PEX7: variants seen among roughly 807,000 people sequenced by gnomAD.
PEX7 encodes peroxisomal biogenesis factor 7.
In PEX7, 34 loss-of-function variants were observed where a neutral mutation model predicts 47.5. The observed-to-expected ratio is 0.72, with a 90% CI of 0.54 to 0.95. The LOEUF (loss-of-function observed/expected upper bound fraction) is 0.95, where lower values mean the gene tolerates loss of function less well. PEX7 is among the 40% of genes least tolerant of loss of function. PEX7 has a pLI of 0.00. For missense variants in PEX7, 394 were observed against 400.3 expected, an observed-to-expected ratio of 0.98 and a Z score of 0.13; for synonymous variants, 141 against 148.8, an observed-to-expected ratio of 0.95 and a Z score of 0.38.
chr6:136,905,607 A>T (rs559714591), intron 9 of PEX7, among the ~76,000 whole-genome samples: 2 of 152,136 alleles, frequency 1.3e-5, no homozygotes, highest in Non-Finnish European at 2.9e-5. Flanking sequence ...TATTTTTTCA[A>T]TGCTACCATG....
chr6:136,823,148 C>A (rs999968374), intron 1 of PEX7: 2 of 985,244 alleles, frequency 2.0e-6, no homozygotes, highest in South Asian at 9.4e-5. Context: ...TGGATCGGTC[C>A]GCTCGGCACA....
chr6:136,854,643 C>T lies in PEX7; in HGVS notation c.526+8462C>T, dbSNP rs76973463. Among the ~76,000 whole-genome samples, 499 of 152,088 alleles carry T rather than the reference C, an allele frequency of 3.3e-3. 7 individuals carry two copies. In the South Asian group the frequency reaches 0.034, roughly 10 times the overall value. ...TACCACAGAGAGTATTAGTCCAAGT[C>T]GAATTAAAGTTCTTGTAAGGATGTG... On this transcript the variant is annotated intron_variant, in intron 5 of 9. Coordinates refer to ENST00000318471, the MANE Select transcript of PEX7 (RefSeq NM_000288.4).
chr6:136,911,185 CT>C (rs1238889254), intron 9 of PEX7, among the ~76,000 whole-genome samples: 1 of 151,852 alleles, frequency 6.6e-6, no homozygotes, highest in East Asian at 1.9e-4. Flanking sequence ...ATTGTTCTGA[CT>C]TTTTGTTTGT....
intron 3 of PEX7, among the ~76,000 whole-genome samples, chr6:136,835,155 C>T (rs1774362426): frequency 6.6e-6 from 1 of 152,046 alleles, no homozygotes; most frequent in East Asian, 1.9e-4. Flanking sequence ...GAACTCCTGA[C>T]CTGAGGTGTT....
rs142310952 is a variant in PEX7, at chr6:136,837,112, G to A, written c.340-8503G>A. ...AGCCGCGCTTACGCCTGTAATCCCA[G>A]CACTTTGGGAGGCTGAGGTGGGCGG... On this transcript the variant is annotated intron_variant, in intron 3 of 9. Transcript: ENST00000318471. 7.1e-3 allele frequency among the ~76,000 whole-genome samples: 1,080 copies of A among 152,218 alleles called. 22 individuals are homozygous for A. The highest frequency in any genetic ancestry group is 0.025 in the African/African-American group (1,022 of 41,540).
chr6:136,856,852 GTAC>G (rs1228112213), intron 5 of PEX7, among the ~76,000 whole-genome samples: 1 of 152,122 alleles, frequency 6.6e-6, no homozygotes, highest in African/African-American at 2.4e-5. Context: ...TGAAAATCAA[GTAC>G]TGGACCTGTA....
intron 3 of PEX7, among the ~76,000 whole-genome samples, chr6:136,842,934 G>A (rs1436228055): frequency 6.6e-6 from 1 of 152,142 alleles, no homozygotes; most frequent in East Asian, 1.9e-4. Flanking sequence ...AGTGGAGAGG[G>A]GCTTTAAGAT....
At chr6:136,850,847 A>T (rs1159440773) in intron 5 of PEX7, among the ~76,000 whole-genome samples, 1 of 151,668 alleles carries the variant, frequency 6.6e-6, no homozygotes, top group Admixed American at 6.6e-5. Context: ...CACCTAGGAA[A>T]GACTAAGTCA....
chr6:136,828,084 A>G (rs1439170778), intron 3 of PEX7, among the ~76,000 whole-genome samples: 1 of 152,026 alleles, frequency 6.6e-6, no homozygotes, highest in Non-Finnish European at 1.5e-5. Flanking sequence ...TCATAAAATA[A>G]TATAGCTAGT....
intron 9 of PEX7, among the ~76,000 whole-genome samples, chr6:136,906,202 A>T (rs1245890901): frequency 6.6e-6 from 1 of 152,228 alleles, no homozygotes; most frequent in Non-Finnish European, 1.5e-5. Flanking sequence ...ACCACTGTAA[A>T]TGAACATGGT....
At chr6:136,888,903 T>C (rs17065700) in intron 8 of PEX7, among the ~76,000 whole-genome samples, 9,432 of 152,174 alleles carry the variant, frequency 0.062, 673 homozygotes, top group African/African-American at 0.17. Context: ...GAAGACTTGC[T>C]GTTCAGTTGT....
chr6:136,898,149 A>G lies in PEX7; in HGVS notation c.811A>G (p.Asn271Asp). The change falls in exon 9 of 10, where the codon AAC becomes GAC. Residue 271 changes from asparagine to aspartate, a missense_variant. By Grantham distance (23) the Asn-to-Asp change is conservative (BLOSUM62 1). Coordinates refer to ENST00000318471, the MANE Select transcript of PEX7 (RefSeq NM_000288.4). ...CSYDFTVRFW[N>D]FSKPDSLLET... ...TTTTATTTATCTTCACAGATTCTGG[A>G]ACTTTTCAAAGCCTGACTCTCTTCT... 1 of 1,600,388 alleles carries G rather than the reference A, an allele frequency of 6.2e-7. No homozygotes were observed. The highest frequency in any genetic ancestry group is 8.6e-7 in the Non-Finnish European group (1 of 1,167,560).
intron 8 of PEX7, among the ~76,000 whole-genome samples, chr6:136,886,888 A>G (rs545961148): frequency 1.4e-4 from 21 of 152,110 alleles, no homozygotes; most frequent in Non-Finnish European, 2.5e-4. Flanking sequence ...CCGCACCTCT[A>G]CAAAATTAAA....
At chr6:136,872,019 T>C (rs1355013336) in intron 7 of PEX7, among the ~76,000 whole-genome samples, 179 bp from the exon 8 acceptor site, 2 of 152,206 alleles carry the variant, frequency 1.3e-5, no homozygotes, top group Non-Finnish European at 2.9e-5. Flanking sequence ...TGGATACTTA[T>C]AAGGCCAGAA....
chr6:136,881,175 G>A (rs1170128204), intron 8 of PEX7, among the ~76,000 whole-genome samples: 1 of 152,154 alleles, frequency 6.6e-6, no homozygotes, highest in African/African-American at 2.4e-5. Flanking sequence ...CCCTCCTTCA[G>A]GAGGGAGTTC....
rs369851638 is a variant in PEX7, at chr6:136,900,553, G to A, written c.903+2312G>A. 28 of 440,566 alleles carry A rather than the reference G, an allele frequency of 6.4e-5. No homozygotes were observed. In the East Asian group the frequency reaches 1.1e-3, roughly 18 times the overall value. The allele number at this position is 440,566 out of a possible 1,614,324, so 27.3% of individuals were successfully genotyped here. On this transcript the variant is annotated intron_variant, in intron 9 of 9. Coordinates refer to ENST00000318471, the MANE Select transcript of PEX7 (RefSeq NM_000288.4). This position sits in a 1 kb window ranked among gnomAD's most constrained non-coding sequence, Gnocchi z 4.2. ...CTTAGCCAAAGCCCTTTTGTCTTCC[G>A]AGTTAATCTGTGTGAAGGTGATGGT...
Position 136,845,653 on chromosome 6 carries a change from G to T in PEX7, c.378G>T (p.Gln126His). 1 of 1,611,552 alleles carries T rather than the reference G, an allele frequency of 6.2e-7. No homozygotes were observed. Among genetic ancestry groups the T allele is most frequent in the Non-Finnish European group, 8.5e-7 (1 of 1,177,676 alleles). Residue 126 changes from glutamine to histidine, a missense_variant, in exon 4 of 10, where the codon CAG becomes CAT. Coordinates refer to ENST00000318471, the MANE Select transcript of PEX7 (RefSeq NM_000288.4). ...SVDWSQTRGE[Q>H]LVVSGSWDQT... Reference sequence around the variant, plus strand: ...ATTGGAGCCAAACCAGAGGTGAACAGCTTGTGGTGTCTGGCTCATGGGATC... The same window carrying T: ...ATTGGAGCCAAACCAGAGGTGAACATCTTGTGGTGTCTGGCTCATGGGATC...
intron 5 of PEX7, among the ~76,000 whole-genome samples, chr6:136,850,912 T>A (rs1307337892): frequency 4.3e-5 from 5 of 116,820 alleles, no homozygotes; most frequent in Admixed American, 9.2e-5. Flanking sequence ...AGATCAAAAC[T>A]GATGGTTTTT....
chr6:136,833,682 T>C (rs975750754), intron 3 of PEX7, among the ~76,000 whole-genome samples: 1 of 152,236 alleles, frequency 6.6e-6, no homozygotes, highest in Admixed American at 6.5e-5. Flanking sequence ...CCTGTAAAGA[T>C]TGTGATTGTA....
Sources: allele counts gnomAD v4.1 joint callset (sites outside exome capture counted in the v4.1 genomes callset), GRCh38; gene constraint gnomAD v4.1.1; non-coding constraint Gnocchi (gnomAD v3.1); transcripts MANE v1.5; gene names NCBI Gene and HGNC (gene_info 2026-07-23, HGNC 2026-07-21).